The following TBC1D1 variants were observed in gnomAD, a reference collection of about 807,000 sequenced individuals.
TBC1D1 encodes TBC1 (tre-2/USP6, BUB2, cdc16) domain family, member 1.
Under a neutral mutation model 125.6 loss-of-function variants are expected in TBC1D1, and 89 were observed. The ratio of observed to expected loss-of-function variants is 0.71; its 90% CI spans 0.60 to 0.85. The LOEUF (loss-of-function observed/expected upper bound fraction) is 0.85. Ranked by LOEUF, TBC1D1 falls within the 40% of genes least tolerant of loss-of-function variation. The pLI is 0.00. For synonymous variants in TBC1D1, 565 were observed against 564.1 expected (o/e 1.00, Z -0.02); for missense variants, 1,377 against 1,469.2 (o/e 0.94, Z 1.03).
chr4:38,070,711 G>A (rs746371839), intron 12 of TBC1D1, among the ~76,000 whole-genome samples: 14 of 152,332 alleles, frequency 9.2e-5, no homozygotes, highest in Admixed American at 3.9e-4. Context: ...AATACAAAGA[G>A]AGCATTGATA....
intron 8 of TBC1D1, among the ~76,000 whole-genome samples, chr4:38,041,791 G>GGAT (rs1321143069): frequency 6.6e-6 from 1 of 152,186 alleles, no homozygotes; most frequent in East Asian, 1.9e-4. Context: ...TGAATTGATA[G>GGAT]GATAAACACC....
chr4:37,975,981 A>T (rs1732992825), intron 2 of TBC1D1, among the ~76,000 whole-genome samples: 1 of 152,014 alleles, frequency 6.6e-6, no homozygotes, highest in Non-Finnish European at 1.5e-5. Flanking sequence ...TTTGATATTC[A>T]TGTCCTTATA....
intron 12 of TBC1D1, among the ~76,000 whole-genome samples, chr4:38,089,378 T>A (rs1758056530): frequency 6.6e-6 from 1 of 152,222 alleles, no homozygotes; most frequent in South Asian, 2.1e-4. Flanking sequence ...TCAGAATACC[T>A]GGCCAGATAG....
chr4:37,933,538 G>A (rs570697573), intron 2 of TBC1D1, among the ~76,000 whole-genome samples: 1 of 152,080 alleles, frequency 6.6e-6, no homozygotes, highest in African/African-American at 2.4e-5. Flanking sequence ...GGTACTGGGT[G>A]TGTTTCCTTA....
chr4:37,905,386 A>G (rs1435490782), intron 2 of TBC1D1, among the ~76,000 whole-genome samples: 2 of 152,246 alleles, frequency 1.3e-5, no homozygotes, highest in South Asian at 4.1e-4. Flanking sequence ...ACAGTCTTTT[A>G]TACATTATTA....
intron 2 of TBC1D1, among the ~76,000 whole-genome samples, chr4:37,948,431 A>G (rs10050186): frequency 0.019 from 2,873 of 152,258 alleles, 94 homozygotes; most frequent in African/African-American, 0.066. Flanking sequence ...GGTTGAGACC[A>G]GCCTGGCCAA....
At chr4:37,969,925 C>T (rs891192086) in intron 2 of TBC1D1, among the ~76,000 whole-genome samples, 9 of 152,180 alleles carry the variant, frequency 5.9e-5, no homozygotes, top group East Asian at 3.8e-4. Context: ...CTCCAGCCCC[C>T]GGTAACTACT....
At chr4:37,966,989 T>A (rs1467795075) in intron 2 of TBC1D1, among the ~76,000 whole-genome samples, 1 of 152,212 alleles carries the variant, frequency 6.6e-6, no homozygotes, top group Non-Finnish European at 1.5e-5. Context: ...TTTGTAGGAA[T>A]CTTAAGTTAC....
intron 1 of TBC1D1, among the ~76,000 whole-genome samples, chr4:37,899,589 TACAAA>T (rs1715394879): frequency 6.6e-6 from 1 of 151,792 alleles, no homozygotes; most frequent in African/African-American, 2.4e-5. Flanking sequence ...GGATAAATGT[TACAAA>T]GGTTAAATGA....
At chr4:38,124,810 T>G (rs1454210871) in intron 17 of TBC1D1, 152 bp from the exon 20 acceptor site, 7 of 587,540 alleles carry the variant, frequency 1.2e-5, no homozygotes, top group Non-Finnish European at 2.1e-5. Context: ...CAACACTGTC[T>G]GAGATATCAG....
chr4:37,905,000 C>A (rs940031406), intron 2 of TBC1D1, among the ~76,000 whole-genome samples: 1 of 152,170 alleles, frequency 6.6e-6, no homozygotes, highest in Non-Finnish European at 1.5e-5. Flanking sequence ...ATGAGGTCAG[C>A]ACTAACTGCA....
At chr4:37,971,404 C>G (rs1731990774) in intron 2 of TBC1D1, among the ~76,000 whole-genome samples, 2 of 152,066 alleles carry the variant, frequency 1.3e-5, no homozygotes, top group Admixed American at 1.3e-4. Flanking sequence ...CGGCAACAGA[C>G]AGGAGAAGAA....
intron 16 of TBC1D1, among the ~76,000 whole-genome samples, chr4:38,116,529 T>A (rs1311480044): frequency 6.6e-6 from 1 of 152,088 alleles, no homozygotes; most frequent in Non-Finnish European, 1.5e-5. Context: ...CATCTCCCTG[T>A]CTATTTTCTG....
At position 38,137,629 on chromosome 4, in the gene TBC1D1, T is replaced by G. The variant is rs1766864070; in HGVS notation, c.*294T>G. Reference sequence around the variant, plus strand: ...ATGCAACTTATGTTTTCTTGTTGGTTCCTTTTTGAGTGTCACTGTGTTTGT... The same window carrying G: ...ATGCAACTTATGTTTTCTTGTTGGTGCCTTTTTGAGTGTCACTGTGTTTGT... On this transcript the variant is annotated 3_prime_UTR_variant, in exon 20 of 20. Transcript: ENST00000261439. 1 of 332,532 alleles carries G rather than the reference T, an allele frequency of 3.0e-6. No individual in the cohort carries two copies. Among genetic ancestry groups the G allele is most frequent in the Non-Finnish European group, 5.4e-6 (1 of 185,422 alleles). The allele number at this position is 332,532 out of a possible 1,614,324, so 20.6% of individuals were successfully genotyped here. A position where few individuals can be genotyped will look rare whatever the true frequency, so the allele number is the denominator to read the frequency against.
intron 2 of TBC1D1, among the ~76,000 whole-genome samples, chr4:37,922,082 C>T (rs1721125989): frequency 1.3e-5 from 2 of 151,998 alleles, no homozygotes; most frequent in Non-Finnish European, 1.5e-5. Flanking sequence ...TACCCTTCCA[C>T]TTTTTTTTCC....
At chr4:37,926,303 TTGC>T (rs35574786) in intron 2 of TBC1D1, among the ~76,000 whole-genome samples, 18,809 of 152,158 alleles carry the variant, frequency 0.12, 1,218 homozygotes, top group Admixed American at 0.19. Context: ...TTAGGTCAGG[TTGC>T]TGTGGCTGCT....
intron 2 of TBC1D1, among the ~76,000 whole-genome samples, chr4:37,979,415 G>A (rs1272550526): frequency 6.6e-6 from 1 of 152,184 alleles, no homozygotes; most frequent in Non-Finnish European, 1.5e-5. Flanking sequence ...TTATTTCTTG[G>A]AGTTATAGAT....
chr4:38,133,222 C>T lies in TBC1D1; in HGVS notation c.3271C>T (p.Arg1091Cys), dbSNP rs780637493. 10 of 1,614,110 alleles carry T rather than the reference C, an allele frequency of 6.2e-6. No homozygotes were observed. Among genetic ancestry groups the T allele is most frequent in the Admixed American group, 1.7e-5 (1 of 59,996 alleles). Residue 1091 changes from arginine to cysteine, a missense_variant, in exon 19 of 20, where the codon CGC becomes TGC. Physicochemically the swap from Arg to Cys is radical, Grantham distance 180. Around this residue, in one of 3 missense-constraint regions of TBC1D1, gnomAD observed 543 missense variants for 613.5 expected, o/e 0.89. Coordinates refer to ENST00000261439, the MANE Select transcript of TBC1D1 (RefSeq NM_015173.4). The stretch of plus-strand genomic sequence containing the variant: ...ATTAGAGAAAACCAACAGCAGCTTA[C>T]GCAAACAGAACCTTGACCTCCTTGA...
At chr4:37,930,287 G>A (rs1288267930) in intron 2 of TBC1D1, among the ~76,000 whole-genome samples, 3 of 152,168 alleles carry the variant, frequency 2.0e-5, no homozygotes, top group African/African-American at 7.2e-5. Flanking sequence ...ATTTCAAGGT[G>A]AGTAAGAAGA....
Sources: allele counts gnomAD v4.1 joint callset (sites outside exome capture counted in the v4.1 genomes callset), GRCh38; gene constraint gnomAD v4.1.1; regional missense constraint gnomAD v4.1.1; transcripts MANE v1.5; gene names NCBI Gene and HGNC (gene_info 2026-07-23, HGNC 2026-07-21).